Variants in STK33 observed in about 807,000 individuals in gnomAD.
STK33 encodes the protein serine/threonine kinase 33.
Under a neutral mutation model 58.0 loss-of-function variants are expected in STK33, and 52 were observed. That is an observed-to-expected ratio of 0.90 (90% CI 0.72 to 1.13). STK33 has a LOEUF of 1.13. Among genes scored for constraint, STK33 ranks in the 50% most tolerant of loss-of-function variants. The probability of loss-of-function intolerance (pLI) is 0.00; values close to 1 mark genes in which losing one functional copy is unlikely to be tolerated. For missense variants in STK33, 630 were observed against 604.2 expected, an observed-to-expected ratio of 1.04 and a Z score of -0.45; for synonymous variants, 215 against 200.1, an observed-to-expected ratio of 1.07 and a Z score of -0.63.
chr11:8,513,965 A>C (rs552641048), intron 1 of STK33, among the ~76,000 whole-genome samples: 1 of 151,130 alleles, frequency 6.6e-6, no homozygotes, highest in East Asian at 1.9e-4. Flanking sequence ...CCCACCCCAC[A>C]CCACTACGCT....
At chr11:8,518,537 C>A (rs1471615143) in intron 1 of STK33, among the ~76,000 whole-genome samples, 1 of 152,188 alleles carries the variant, frequency 6.6e-6, no homozygotes. Flanking sequence ...AATTGAAAGA[C>A]ACAGACTGGC....
At chr11:8,534,493 G>T (rs1954806820) in intron 1 of STK33, among the ~76,000 whole-genome samples, 1 of 150,542 alleles carries the variant, frequency 6.6e-6, no homozygotes, top group South Asian at 2.1e-4. Flanking sequence ...GATCATAAGG[G>T]TATTATTTCT....
the STK33 span, among the ~76,000 whole-genome samples, chr11:8,364,090 T>C: frequency 1.3e-5 from 2 of 152,194 alleles, no homozygotes; most frequent in Non-Finnish European, 2.9e-5. Context: ...TGAAGTGTTT[T>C]TGCGAGCGTC....
chr11:8,385,924 G>A, the STK33 span, among the ~76,000 whole-genome samples: 6 of 151,956 alleles, frequency 3.9e-5, no homozygotes, highest in South Asian at 2.1e-4. Flanking sequence ...ACAGGCACCC[G>A]CCACCACGCC....
At chr11:8,446,686 T>C (rs553993078) in intron 11 of STK33, among the ~76,000 whole-genome samples, 26 of 152,288 alleles carry the variant, frequency 1.7e-4, no homozygotes, top group Non-Finnish European at 1.5e-5. Context: ...CATCTGATCT[T>C]TGACAAATCT....
chr11:8,545,504 T>C (rs926399897), intron 1 of STK33, among the ~76,000 whole-genome samples: 1 of 152,198 alleles, frequency 6.6e-6, no homozygotes, highest in Non-Finnish European at 1.5e-5. Flanking sequence ...TTTATATGCA[T>C]AACAGTCCCC....
At chr11:8,586,177 A>C (rs2141466061) in intron 1 of STK33, among the ~76,000 whole-genome samples, 1 of 143,048 alleles carries the variant, frequency 7.0e-6, no homozygotes, top group Admixed American at 7.6e-5. Flanking sequence ...AGATCGTGCC[A>C]CTCCACTCTA....
the STK33 span, among the ~76,000 whole-genome samples, chr11:8,344,916 G>C: frequency 1.3e-5 from 2 of 152,188 alleles, no homozygotes; most frequent in Non-Finnish European, 2.9e-5. Context: ...CCAGTCCCTG[G>C]TCTTCTCAGG....
chr11:8,347,915 C>T, the STK33 span, among the ~76,000 whole-genome samples: 1 of 152,334 alleles, frequency 6.6e-6, no homozygotes, highest in South Asian at 2.1e-4. Flanking sequence ...CACCCACCTT[C>T]CCCTGCCATT....
At chr11:8,560,583 C>A (rs1007817119) in intron 1 of STK33, among the ~76,000 whole-genome samples, 3 of 152,028 alleles carry the variant, frequency 2.0e-5, no homozygotes, top group Non-Finnish European at 2.9e-5. Flanking sequence ...AATAATTAAT[C>A]TTTTCTTTTG....
chr11:8,448,264 C>T (rs1287540927), intron 11 of STK33, among the ~76,000 whole-genome samples: 1 of 152,106 alleles, frequency 6.6e-6, no homozygotes, highest in Non-Finnish European at 1.5e-5. Flanking sequence ...ACTTTCTTCA[C>T]AGAATTGGAA....
At chr11:8,437,708 A>AT (rs1187810635) in intron 12 of STK33, among the ~76,000 whole-genome samples, 2 of 152,014 alleles carry the variant, frequency 1.3e-5, no homozygotes, top group Non-Finnish European at 2.9e-5. Flanking sequence ...TCAAAATTTG[A>AT]TTTTTTCATA....
intron 14 of STK33, among the ~76,000 whole-genome samples, chr11:8,420,872 T>C (rs1224804279): frequency 6.6e-6 from 1 of 151,446 alleles, no homozygotes. Flanking sequence ...TGGTGGTGCA[T>C]GCCGGTAGTC....
chr11:8,392,491 T>C lies in STK33; in HGVS notation c.*19A>G, dbSNP rs761216758. 2 of 1,613,862 alleles carry C rather than the reference T, an allele frequency of 1.2e-6. No homozygotes were observed. On this transcript the variant is annotated 3_prime_UTR_variant, in exon 16 of 16. Transcript: ENST00000687296. ...CAAGAGCAGCTTTGTTTTTGTACTGTCCAACACTGGAGGGAACCTTAGAGT... is the reference window on the plus strand; with the variant it reads ...CAAGAGCAGCTTTGTTTTTGTACTGCCCAACACTGGAGGGAACCTTAGAGT...
intron 10 of STK33, 60 bp from the exon 11 acceptor site, chr11:8,452,966 G>A: frequency 7.1e-7 from 1 of 1,412,064 alleles, no homozygotes; most frequent in Non-Finnish European, 1.0e-6. Context: ...CACTCATTCT[G>A]AAGATAAGAC....
intron 1 of STK33, among the ~76,000 whole-genome samples, chr11:8,540,880 A>C (rs138713776): frequency 9.2e-4 from 140 of 152,076 alleles, no homozygotes; most frequent in African/African-American, 3.3e-3. Context: ...TAGTTAAATA[A>C]CTAAATTTTG....
rs572431188 is a variant in STK33, at chr11:8,423,331, A to G, written c.1147-9639T>C. On this transcript the variant is annotated intron_variant, in intron 14 of 15. Coordinates refer to ENST00000687296, the MANE Select transcript of STK33 (RefSeq NM_001352389.2). ...TCTGTTAAAATTCTGAAATTTTTAG[A>G]TATCATTAATTTTCTGTATTTCTCC... Among the ~76,000 whole-genome samples the G allele has an allele frequency of 7.2e-5, 11 of 151,934 alleles. No individual in the cohort carries two copies. The South Asian group carries it at 1.9e-3, about 26-fold the overall frequency.
chr11:8,452,262 A>G (rs1484698450), intron 11 of STK33, among the ~76,000 whole-genome samples: 1 of 152,218 alleles, frequency 6.6e-6, no homozygotes, highest in Non-Finnish European at 1.5e-5. Context: ...AACAAAAGCA[A>G]TAATTAAGTT....
At chr11:8,518,086 A>T (rs1591585960) in intron 1 of STK33, among the ~76,000 whole-genome samples, 1 of 152,352 alleles carries the variant, frequency 6.6e-6, no homozygotes, top group East Asian at 1.9e-4. Flanking sequence ...AAGGGCAGCC[A>T]GAGAGAAAGG....
Sources: gnomAD v4.1 joint callset for allele counts (sites outside exome capture counted in the v4.1 genomes callset) on GRCh38, gnomAD v4.1.1 for gene constraint, MANE v1.5 for transcripts, NCBI Gene and HGNC (gene_info 2026-07-23, HGNC 2026-07-21) for gene names.